Variants in PTPRD observed in about 807,000 individuals in gnomAD.
The protein encoded by PTPRD is receptor-type tyrosine-protein phosphatase delta.
Under a neutral mutation model 214.5 loss-of-function variants are expected in PTPRD, and 34 were observed. That is an observed-to-expected ratio of 0.16 (90% CI 0.12 to 0.21). The LOEUF (loss-of-function observed/expected upper bound fraction) is 0.21, where lower values mean the gene tolerates loss of function less well. Ranked by LOEUF, PTPRD falls within the 10% of genes least tolerant of loss-of-function variation. The probability of loss-of-function intolerance (pLI) is 1.00; values close to 1 mark genes in which losing one functional copy is unlikely to be tolerated. For missense variants in PTPRD, 2,545 were observed against 2,398.7 expected (o/e 1.06, Z -1.27); for synonymous variants, 1,128 against 845.7 (o/e 1.33, Z -5.79).
intron 2 of PTPRD, among the ~76,000 whole-genome samples, chr9:10,375,634 T>C (rs1315473430): frequency 2.0e-5 from 3 of 152,008 alleles, no homozygotes; most frequent in Non-Finnish European, 4.4e-5. Flanking sequence ...CATTATTGCT[T>C]TAATAGGAAT....
intron 11 of PTPRD, among the ~76,000 whole-genome samples, chr9:8,902,291 A>G (rs2098675805): frequency 6.6e-6 from 1 of 151,878 alleles, no homozygotes; most frequent in Non-Finnish European, 1.5e-5. Context: ...CTCATGACCC[A>G]ACCCAGATTT....
intron 5 of PTPRD, among the ~76,000 whole-genome samples, chr9:9,825,515 G>A (rs1280755085): frequency 6.6e-6 from 1 of 151,920 alleles, no homozygotes. Flanking sequence ...CAGGTAGGCA[G>A]TCAGTGCATA....
chr9:10,078,375 G>A (rs35578353), intron 3 of PTPRD, among the ~76,000 whole-genome samples: 32,803 of 149,354 alleles, frequency 0.22, 3,904 homozygotes, highest in South Asian at 0.31. Flanking sequence ...AATTAGCTGG[G>A]TGTGGTGGTG....
At chr9:9,384,166 A>T (rs936823270) in intron 9 of PTPRD, among the ~76,000 whole-genome samples, 1 of 151,750 alleles carries the variant, frequency 6.6e-6, no homozygotes, top group African/African-American at 2.4e-5. Flanking sequence ...ACAAACATAT[A>T]TCTCAGTGTG....
chr9:10,062,713 T>TTC (rs890986418), intron 3 of PTPRD, among the ~76,000 whole-genome samples: 2 of 151,944 alleles, frequency 1.3e-5, no homozygotes, highest in African/African-American at 4.8e-5. Flanking sequence ...AATATTTTTT[T>TTC]TCTCTCTCTT....
At chr9:8,736,660 A>G (rs1052789910) in intron 11 of PTPRD, among the ~76,000 whole-genome samples, 5 of 152,116 alleles carry the variant, frequency 3.3e-5, no homozygotes, top group South Asian at 2.1e-4. Flanking sequence ...AGATAAAACT[A>G]AAAAGGAGAG....
At chr9:8,502,848 G>GTATATATATATATATATATATATA (rs556444172) in intron 23 of PTPRD, among the ~76,000 whole-genome samples, 2 of 147,092 alleles carry the variant, frequency 1.4e-5, no homozygotes, top group African/African-American at 5.0e-5. Context: ...ATGTGTGTGT[G>GTATATATATATATATATATATATA]TATATATATA....
At chr9:8,368,317 T>C (rs558081242) in intron 39 of PTPRD, among the ~76,000 whole-genome samples, 3 of 152,136 alleles carry the variant, frequency 2.0e-5, no homozygotes, top group Non-Finnish European at 4.4e-5. Context: ...GCCACTCTTA[T>C]CATAAACATC....
At chr9:8,863,887 A>C (rs2098149767) in intron 11 of PTPRD, among the ~76,000 whole-genome samples, 1 of 152,228 alleles carries the variant, frequency 6.6e-6, no homozygotes, top group South Asian at 2.1e-4. Context: ...GGAGGAAAGC[A>C]ACTGCAGTTA....
chr9:8,694,449 C>T (rs1281764517), intron 12 of PTPRD, among the ~76,000 whole-genome samples: 4 of 152,068 alleles, frequency 2.6e-5, no homozygotes, highest in Non-Finnish European at 4.4e-5. Flanking sequence ...GATTTGTAAT[C>T]GGTCCCACTG....
chr9:9,059,460 A>G (rs1439879237), intron 10 of PTPRD, among the ~76,000 whole-genome samples: 6 of 152,208 alleles, frequency 3.9e-5, no homozygotes, highest in Non-Finnish European at 5.9e-5. Flanking sequence ...GAAATCAAAA[A>G]CAAAAAGAAG....
chr9:9,815,246 T>C (rs548188674), intron 5 of PTPRD, among the ~76,000 whole-genome samples: 1 of 151,956 alleles, frequency 6.6e-6, no homozygotes, highest in South Asian at 2.1e-4. Context: ...TTGATGAGAG[T>C]GCCAAGGATT....
rs2135951712 is a variant in PTPRD at position 8,486,122 on chromosome 9, T to C, written c.2695A>G (p.Asn899Asp). 1.2e-6 allele frequency: 2 copies of C among 1,614,200 alleles called. No homozygotes were observed. Among genetic ancestry groups the C allele is most frequent in the Non-Finnish European group, 1.7e-6 (2 of 1,180,034 alleles). Residue 899 changes from asparagine (N) to aspartate (D), a missense_variant, in exon 28 of 46, where the codon AAC (asparagine) becomes GAC (aspartate). Transcript: ENST00000381196. ...ASYVFRLSAR[N>D]KVGFGEEMVK... The stretch of plus-strand genomic sequence containing the variant: ...ATCTCCTCCCCAAAGCCCACTTTGT[T>C]TCTGGCTGAGAGCCTGAAGACGTAT...
Position 9,084,380 on chromosome 9 carries a change from C to T in PTPRD, c.-142-65645G>A, listed in dbSNP as rs150754990. 7.5e-3 allele frequency among the ~76,000 whole-genome samples: 1,144 copies of T among 152,182 alleles called. 13 individuals carry two copies. Among genetic ancestry groups the T allele is most frequent in the African/African-American group, 0.026 (1,063 of 41,508 alleles). On this transcript the variant is annotated intron_variant, in intron 10 of 45. Coordinates refer to ENST00000381196, the MANE Select transcript of PTPRD (RefSeq NM_002839.4). ...GAACATATGGACACAGGGAGGGGAA[C>T]ATCACACACACCAGGGCCTGTCAGG...
At chr9:9,242,490 C>T (rs1461676929) in intron 9 of PTPRD, among the ~76,000 whole-genome samples, 5 of 152,110 alleles carry the variant, frequency 3.3e-5, no homozygotes, top group South Asian at 2.1e-4. Context: ...ACCAATCAGA[C>T]GTAGATTTGG....
At chr9:9,362,899 C>A (rs1490299954) in intron 9 of PTPRD, among the ~76,000 whole-genome samples, 1 of 151,180 alleles carries the variant, frequency 6.6e-6, no homozygotes, top group South Asian at 2.1e-4. Context: ...TGTAAGAAAA[C>A]CTTTCTTATT....
chr9:9,016,124 G>T (rs1282416045), intron 11 of PTPRD, among the ~76,000 whole-genome samples: 1 of 152,106 alleles, frequency 6.6e-6, no homozygotes, highest in Non-Finnish European at 1.5e-5. Flanking sequence ...CTCTGAGACT[G>T]CCTTACTGCA....
At chr9:8,827,022 C>T (rs1247658231) in intron 11 of PTPRD, among the ~76,000 whole-genome samples, 1 of 151,962 alleles carries the variant, frequency 6.6e-6, no homozygotes, top group East Asian at 1.9e-4. Flanking sequence ...ACTCTAGTGT[C>T]TTTCTACCCC....
chr9:10,420,095 A>T (rs983606757), intron 2 of PTPRD, among the ~76,000 whole-genome samples: 1 of 151,850 alleles, frequency 6.6e-6, no homozygotes, highest in Non-Finnish European at 1.5e-5. Flanking sequence ...GACAATAATA[A>T]TAATCATCAT....
Sources: allele counts gnomAD v4.1 joint callset (sites outside exome capture counted in the v4.1 genomes callset), GRCh38; gene constraint gnomAD v4.1.1; transcripts MANE v1.5; gene names NCBI Gene and HGNC (gene_info 2026-07-23, HGNC 2026-07-21).